Variants in SRL observed in about 807,000 individuals in gnomAD.
SRL encodes sarcalumenin.
In SRL, 23 loss-of-function variants were observed where a neutral mutation model predicts 39.5. The ratio of observed to expected loss-of-function variants is 0.58; its 90% confidence interval spans 0.42 to 0.82. The LOEUF (loss-of-function observed/expected upper bound fraction) is 0.82, where lower values mean the gene tolerates loss of function less well. Among genes scored for constraint, SRL ranks in the 40% least tolerant of loss-of-function variants. SRL has a pLI of 0.00. For missense variants in SRL, 592 were observed against 607.8 expected, an observed-to-expected ratio of 0.97 and a Z score of 0.27; for synonymous variants, 272 against 237.4, an observed-to-expected ratio of 1.15 and a Z score of -1.34.
chr16:4,189,930 G>C lies in SRL; in HGVS notation c.*2223C>G, dbSNP rs2052040875. On this transcript the variant is annotated 3_prime_UTR_variant, in exon 6 of 6. Transcript: ENST00000399609. Reference sequence around the variant, plus strand: ...AGTGGGAGGGCCCATCCCCCAAGAGGGCAGACAGTACAGAGATGAGGCGAG... The same window carrying C: ...AGTGGGAGGGCCCATCCCCCAAGAGCGCAGACAGTACAGAGATGAGGCGAG... The C allele has an allele frequency of 5.0e-6, 1 of 201,594 alleles. No individual in the cohort carries two copies. The highest frequency in any genetic ancestry group is 9.9e-6 in the Non-Finnish European group (1 of 101,182). 12.5% of individuals were successfully genotyped at this position (201,594 alleles called of 1,614,324 possible).
chr16:4,209,717 GC>G (rs1249045097), intron 1 of SRL, among the ~76,000 whole-genome samples: 1 of 152,188 alleles, frequency 6.6e-6, no homozygotes, highest in African/African-American at 2.4e-5. Context: ...TTATAGAGGA[GC>G]CCCGTGGATT....
intron 1 of SRL, among the ~76,000 whole-genome samples, chr16:4,213,092 G>C (rs2052413475): frequency 6.6e-6 from 1 of 152,088 alleles, no homozygotes; most frequent in Admixed American, 6.5e-5. Context: ...TTAGTCTGGA[G>C]TTCTTTTTGC....
At chr16:4,231,024 T>C (rs986736114) in intron 1 of SRL, among the ~76,000 whole-genome samples, 2 of 152,064 alleles carry the variant, frequency 1.3e-5, no homozygotes, top group Non-Finnish European at 2.9e-5. Flanking sequence ...GAGAATAAAT[T>C]TCTGTGGTTT....
At chr16:4,195,865 G>T in intron 4 of SRL, 79 bp from the exon 5 acceptor site, 1 of 1,194,648 alleles carries the variant, frequency 8.4e-7, no homozygotes, top group Non-Finnish European at 1.2e-6. Context: ...GTATATGCCT[G>T]GTGTCACAGG....
chr16:4,209,444 G>C (rs2052365273), intron 1 of SRL, among the ~76,000 whole-genome samples: 1 of 152,024 alleles, frequency 6.6e-6, no homozygotes, highest in African/African-American at 2.4e-5. Context: ...GACTCTCAAG[G>C]CCCCTCTCCG....
chr16:4,207,273 T>G, intron 1 of SRL: 1 of 456,974 alleles, frequency 2.2e-6, no homozygotes, highest in Non-Finnish European at 4.4e-6. Context: ...CTCAGTCATC[T>G]CTGGGGACTG....
chr16:4,236,668 G>C (rs1489402063), intron 1 of SRL, among the ~76,000 whole-genome samples: 1 of 151,564 alleles, frequency 6.6e-6, no homozygotes, highest in Non-Finnish European at 1.5e-5. Flanking sequence ...TTTTGAGACA[G>C]AGTCTTGCTC....
intron 3 of SRL, among the ~76,000 whole-genome samples, chr16:4,199,658 C>A (rs552322646): frequency 2.7e-5 from 4 of 149,844 alleles, no homozygotes; most frequent in African/African-American, 7.3e-5. Context: ...GGCATGAGCC[C>A]GGCACCCAGC....
chr16:4,196,785 T>C (rs550818114), intron 4 of SRL, among the ~76,000 whole-genome samples: 1 of 152,178 alleles, frequency 6.6e-6, no homozygotes, highest in South Asian at 2.1e-4. Context: ...AGCCGCCTAC[T>C]GTCATATAAG....
intron 1 of SRL, among the ~76,000 whole-genome samples, chr16:4,230,547 A>AT (rs555911990): frequency 0.017 from 2,481 of 144,398 alleles, 57 homozygotes; most frequent in African/African-American, 0.049. Flanking sequence ...TGACTGGCTA[A>AT]TTTTTTTTTT....
intron 1 of SRL, among the ~76,000 whole-genome samples, chr16:4,218,004 G>A (rs140949726): frequency 3.3e-5 from 5 of 152,276 alleles, no homozygotes; most frequent in Non-Finnish European, 5.9e-5. Context: ...TGAGCCCTGC[G>A]CTCTTGGTGA....
At chr16:4,233,607 A>T (rs2061541004) in intron 1 of SRL, among the ~76,000 whole-genome samples, 1 of 151,802 alleles carries the variant, frequency 6.6e-6, no homozygotes, top group Admixed American at 6.6e-5. Flanking sequence ...TCATCTCCCC[A>T]AATAGAAGGT....
chr16:4,233,595 T>TGTCATCTCCCCAAATAGAAG (rs1450773884), intron 1 of SRL, among the ~76,000 whole-genome samples: 1 of 151,828 alleles, frequency 6.6e-6, no homozygotes, highest in East Asian at 1.9e-4. Flanking sequence ...TTTCAGTGCG[T>TGTCATCTCCCCAAATAGAAG]GTCATCTCCC....
At chr16:4,234,162 T>C (rs1409442448) in intron 1 of SRL, among the ~76,000 whole-genome samples, 1 of 152,130 alleles carries the variant, frequency 6.6e-6, no homozygotes, top group Non-Finnish European at 1.5e-5. Flanking sequence ...CCAGCTATTT[T>C]TAAAGTTTTT....
chr16:4,200,082 A>G (rs1473405267), intron 3 of SRL, among the ~76,000 whole-genome samples: 2 of 152,320 alleles, frequency 1.3e-5, no homozygotes, highest in East Asian at 3.9e-4. Context: ...CCGAGGCTAA[A>G]GCTCAGTCCT....
At chr16:4,231,079 A>G (rs2052655517) in intron 1 of SRL, among the ~76,000 whole-genome samples, 1 of 152,146 alleles carries the variant, frequency 6.6e-6, no homozygotes, top group Non-Finnish European at 1.5e-5. Flanking sequence ...GCACTTTGGG[A>G]GGCCAAGGTA....
Position 4,190,640 on chromosome 16 carries a change from G to C in SRL, c.*1513C>G. The C allele has an allele frequency of 2.5e-6, 1 of 397,176 alleles. No individual in the cohort carries two copies. The highest frequency in any genetic ancestry group is 1.4e-4 in the South Asian group (1 of 7,010). The allele number at this position is 397,176 out of a possible 1,614,324, so 24.6% of individuals were successfully genotyped here. On this transcript the variant is annotated 3_prime_UTR_variant, in exon 6 of 6. Coordinates refer to ENST00000399609, the MANE Select transcript of SRL (RefSeq NM_001098814.2). ...CTATGTGATCTCCCTAATCTCTCTTGGACAACATACACACATATTCACACT... is the reference window on the plus strand; with the variant it reads ...CTATGTGATCTCCCTAATCTCTCTTCGACAACATACACACATATTCACACT...
chr16:4,215,758 G>A (rs1037954822), intron 1 of SRL, among the ~76,000 whole-genome samples: 2 of 152,208 alleles, frequency 1.3e-5, no homozygotes, highest in African/African-American at 4.8e-5. Flanking sequence ...AGCACTTTGG[G>A]AGGCCGAGGT....
At chr16:4,227,421 A>C (rs1567188422) in intron 1 of SRL, among the ~76,000 whole-genome samples, 1 of 151,542 alleles carries the variant, frequency 6.6e-6, no homozygotes, top group Non-Finnish European at 1.5e-5. Context: ...GGGTAGACTG[A>C]TGGATGGAAG....
Sources: allele counts gnomAD v4.1 joint callset (sites outside exome capture counted in the v4.1 genomes callset), GRCh38; gene constraint gnomAD v4.1.1; transcripts MANE v1.5; gene names NCBI Gene and HGNC (gene_info 2026-07-23, HGNC 2026-07-21).